The following DPP6 variants were observed in gnomAD, a reference collection of about 807,000 sequenced individuals.
The protein encoded by DPP6 is A-type potassium channel modulatory protein DPP6.
In DPP6, 69 loss-of-function variants were observed where a neutral mutation model predicts 122.6. The observed-to-expected ratio is 0.56, with a 90% CI of 0.46 to 0.69. DPP6 has a LOEUF of 0.69. DPP6 is among the 30% of genes least tolerant of loss of function. The pLI, the probability that DPP6 is intolerant of heterozygous loss-of-function variation, is 0.00. For missense variants in DPP6, 928 were observed against 1,116.9 expected (o/e 0.83, Z 2.41); for synonymous variants, 418 against 433.1 (o/e 0.97, Z 0.43).
the DPP6 span, among the ~76,000 whole-genome samples, chr7:153,803,491 ATCT>A: frequency 6.6e-6 from 1 of 151,946 alleles, no homozygotes; most frequent in Admixed American, 6.5e-5. Context: ...GCTTCACCTC[ATCT>A]TCTCTAGCCC....
intron 5 of DPP6, among the ~76,000 whole-genome samples, chr7:154,575,104 A>G (rs1377451144): frequency 6.2e-5 from 4 of 64,806 alleles, no homozygotes; most frequent in East Asian, 6.4e-4. Flanking sequence ...TGTGGTGTGT[A>G]TGCTGTTTGT....
intron 1 of DPP6, among the ~76,000 whole-genome samples, chr7:154,397,113 A>C (rs1380019102): frequency 6.6e-6 from 1 of 150,624 alleles, no homozygotes; most frequent in Admixed American, 6.6e-5. Flanking sequence ...TTAGAAGATA[A>C]ATGTAAAATT....
chr7:154,274,167 C>T lies in DPP6; in HGVS notation c.244-172047C>T, dbSNP rs532609942. On this transcript the variant is annotated intron_variant, in intron 1 of 25. Transcript: ENST00000377770. ...AACACATGGGTCAGTGTTAATTCAT[C>T]TCCAGTGACCTTTGCTGCTGTGGAA... Among the ~76,000 whole-genome samples, 18 of 152,306 alleles carry T rather than the reference C, an allele frequency of 1.2e-4. No homozygotes were observed. In the South Asian group the frequency reaches 3.7e-3, roughly 32 times the overall value.
chr7:154,332,685 A>C (rs1340448783), intron 1 of DPP6, among the ~76,000 whole-genome samples: 2 of 152,238 alleles, frequency 1.3e-5, no homozygotes, highest in African/African-American at 4.8e-5. Flanking sequence ...TTGTTTGTTC[A>C]TGGATCTAGG....
intron 1 of DPP6, among the ~76,000 whole-genome samples, chr7:154,043,078 T>C (rs1799842143): frequency 6.6e-6 from 1 of 152,072 alleles, no homozygotes; most frequent in South Asian, 2.1e-4. Context: ...AAAATGTAGA[T>C]ATAATCAGTA....
intron 6 of DPP6, among the ~76,000 whole-genome samples, chr7:154,650,404 T>C (rs1290598966): frequency 6.6e-6 from 1 of 152,116 alleles, no homozygotes; most frequent in African/African-American, 2.4e-5. Context: ...AGCCTGGCTC[T>C]GGGCTGGGTC....
intron 1 of DPP6, among the ~76,000 whole-genome samples, chr7:154,383,358 TCTC>T (rs1433802131): frequency 2.0e-5 from 3 of 152,186 alleles, no homozygotes; most frequent in Non-Finnish European, 4.4e-5. Context: ...CCTCTTCACA[TCTC>T]CTATTTCTTC....
At chr7:154,678,063 T>C (rs952120128) in intron 7 of DPP6, among the ~76,000 whole-genome samples, 14 of 152,144 alleles carry the variant, frequency 9.2e-5, no homozygotes, top group African/African-American at 3.4e-4. Context: ...GTAAACGCAC[T>C]GATCAGCACT....
At chr7:154,615,714 A>G (rs527380969) in intron 5 of DPP6, among the ~76,000 whole-genome samples, 1 of 127,556 alleles carries the variant, frequency 7.8e-6, no homozygotes, top group East Asian at 3.1e-4. Flanking sequence ...CATCACCACT[A>G]TCTATACACA....
rs116899680 is a variant in DPP6, at chr7:154,701,721, C to T, written c.763-26046C>T. ...AGGTTCATAAATCTCCAGACTGCAT[C>T]GGGCTCTACCTTCATTGGGCCAGAA... On this transcript the variant is annotated intron_variant, in intron 7 of 25. Transcript: ENST00000377770. 5.0e-3 allele frequency among the ~76,000 whole-genome samples: 763 copies of T among 152,296 alleles called. 5 individuals carry two copies. Among genetic ancestry groups the T allele is most frequent in the Non-Finnish European group, 8.2e-3 (557 of 68,020 alleles).
intron 5 of DPP6, among the ~76,000 whole-genome samples, chr7:154,627,285 TCC>T (rs1300600313): frequency 6.9e-6 from 1 of 145,194 alleles, no homozygotes; most frequent in Non-Finnish European, 1.5e-5. Flanking sequence ...AAGCTCTGCC[TCC>T]CGGGTTTTCG....
chr7:154,129,200 A>G (rs571683953), intron 1 of DPP6, among the ~76,000 whole-genome samples: 12 of 152,246 alleles, frequency 7.9e-5, no homozygotes, highest in African/African-American at 2.4e-4. Context: ...CAGGAACTTA[A>G]TGAACATTTC....
chr7:153,772,557 A>G, the DPP6 span, among the ~76,000 whole-genome samples: 1 of 152,182 alleles, frequency 6.6e-6, no homozygotes, highest in African/African-American at 2.4e-5. Flanking sequence ...AGAAAAAAGA[A>G]ACAAAGACAA....
intron 6 of DPP6, among the ~76,000 whole-genome samples, chr7:154,643,072 A>G (rs2130949039): frequency 6.6e-6 from 1 of 152,292 alleles, no homozygotes; most frequent in Admixed American, 6.5e-5. Flanking sequence ...TCTGTTACAA[A>G]TGAAGGAATA....
intron 3 of DPP6, among the ~76,000 whole-genome samples, chr7:154,514,199 C>A (rs1254458108): frequency 2.0e-5 from 3 of 152,000 alleles, no homozygotes; most frequent in Non-Finnish European, 4.4e-5. Flanking sequence ...TCCCTTGAAC[C>A]CGGGAGGCAG....
chr7:154,041,122 A>G (rs1411470716), intron 1 of DPP6, among the ~76,000 whole-genome samples: 1 of 151,338 alleles, frequency 6.6e-6, no homozygotes, highest in Non-Finnish European at 1.5e-5. Context: ...TCAGACTCAT[A>G]CTCCTCCTCT....
the DPP6 span, among the ~76,000 whole-genome samples, chr7:153,756,170 T>C: frequency 6.6e-6 from 1 of 151,858 alleles, no homozygotes; most frequent in Non-Finnish European, 1.5e-5. Flanking sequence ...ACCTCCCTGT[T>C]CCTGAGCCTG....
chr7:154,126,404 C>T (rs546547020), intron 1 of DPP6, among the ~76,000 whole-genome samples: 19 of 152,136 alleles, frequency 1.2e-4, no homozygotes, highest in Admixed American at 6.5e-4. Flanking sequence ...CAGATGAAAA[C>T]ATTCACGTCC....
intron 1 of DPP6, among the ~76,000 whole-genome samples, chr7:153,991,619 T>C (rs1302479643): frequency 6.6e-6 from 1 of 152,238 alleles, no homozygotes; most frequent in African/African-American, 2.4e-5. Context: ...TGCCTTTGCA[T>C]CATGACTTTG....
Sources: allele counts gnomAD v4.1 joint callset (sites outside exome capture counted in the v4.1 genomes callset), GRCh38; gene constraint gnomAD v4.1.1; transcripts MANE v1.5; gene names NCBI Gene and HGNC (gene_info 2026-07-23, HGNC 2026-07-21).